PEX13: variants seen among roughly 807,000 people sequenced by gnomAD.
The protein encoded by PEX13 is peroxisomal biogenesis factor 13.
Under a neutral mutation model 34.5 loss-of-function variants are expected in PEX13, and 28 were observed. The observed-to-expected ratio is 0.81, with a 90% CI of 0.60 to 1.11. The LOEUF (loss-of-function observed/expected upper bound fraction) is 1.11. PEX13 is among the 50% of genes most tolerant of loss of function. The pLI is 0.00. For missense variants in PEX13, 550 were observed against 491.0 expected (o/e 1.12, Z -1.13); for synonymous variants, 177 against 175.1 (o/e 1.01, Z -0.09).
At chr2:61,045,417 A>G (rs184642169) in intron 2 of PEX13, among the ~76,000 whole-genome samples, 1 of 152,310 alleles carries the variant, frequency 6.6e-6, no homozygotes, top group East Asian at 1.9e-4. Flanking sequence ...TAATTGCCCA[A>G]TATCCTGTTT....
chr2:61,047,724 G>A (rs928789428), intron 3 of PEX13, among the ~76,000 whole-genome samples: 6 of 152,162 alleles, frequency 3.9e-5, no homozygotes, highest in Non-Finnish European at 8.8e-5. Flanking sequence ...ATCGGTCGTA[G>A]ACATGGTAAA....
At chr2:61,046,470 T>TG (rs1559045680) in intron 3 of PEX13, among the ~76,000 whole-genome samples, 3 of 152,324 alleles carry the variant, frequency 2.0e-5, no homozygotes. Flanking sequence ...TGTGTATTTA[T>TG]GGGGATTCAA....
chr2:61,028,607 G>C (rs1260715298), intron 1 of PEX13, among the ~76,000 whole-genome samples: 1 of 151,188 alleles, frequency 6.6e-6, no homozygotes, highest in Non-Finnish European at 1.5e-5. Context: ...GGCTGGTCTC[G>C]AACTCCTAAC....
chr2:61,047,384 GACCTTGTGATCC>G (rs1680721068), intron 3 of PEX13, among the ~76,000 whole-genome samples: 1 of 152,152 alleles, frequency 6.6e-6, no homozygotes, highest in East Asian at 1.9e-4. Flanking sequence ...TCGAACTCCT[GACCTTGTGATCC>G]GCCCGACTTG....
At chr2:61,021,367 C>G (rs1680259171) in intron 1 of PEX13, among the ~76,000 whole-genome samples, 1 of 152,248 alleles carries the variant, frequency 6.6e-6, no homozygotes, top group Admixed American at 6.5e-5. Flanking sequence ...AGGAGATTCT[C>G]TCCCATGCCT....
chr2:61,024,665 T>C (rs893910269), intron 1 of PEX13, among the ~76,000 whole-genome samples: 5 of 152,056 alleles, frequency 3.3e-5, no homozygotes, highest in African/African-American at 1.2e-4. Flanking sequence ...AAAAATTAGC[T>C]GGGCGTGGTG....
Position 61,032,040 on chromosome 2 carries a change from G to T in PEX13, c.714G>T (p.Leu238Phe). Residue 238 changes from leucine to phenylalanine, a missense_variant, in exon 2 of 4, where the codon TTG (leucine) becomes TTT (phenylalanine). Transcript: ENST00000295030. ...CAGCAAAATCTTGGCCAATATTCTT[G>T]TTCTTTGCTGTTATCCTTGGTGGTC... Reference protein sequence around the residue: ...ATSAKSWPIFLFFAVILGGPY... With the variant: ...ATSAKSWPIFFFFAVILGGPY... The T allele has an allele frequency of 1.2e-6, 2 of 1,613,770 alleles. No individual in the cohort carries two copies. Among genetic ancestry groups the T allele is most frequent in the South Asian group, 2.2e-5 (2 of 91,030 alleles).
At chr2:61,018,901 C>A (rs1278767020) in intron 1 of PEX13, 1 of 151,952 alleles carries the variant, frequency 6.6e-6, no homozygotes, top group African/African-American at 2.4e-5. Flanking sequence ...TGTTAAAGTT[C>A]TTTTTATGTA....
chr2:61,031,502 C>A lies in PEX13; in HGVS notation c.176C>A (p.Pro59Gln). ...GTGCCCCCACCTATTCTTCCAAGGCCATCACAGCAGACAGGAAGTAGCAGT... is the reference window on the plus strand; with the variant it reads ...GTGCCCCCACCTATTCTTCCAAGGCAATCACAGCAGACAGGAAGTAGCAGT... ...TRVPPPILPR[P>Q]SQQTGSSSVN... The change falls in exon 2 of 4, where the codon CCA becomes CAA. Residue 59 changes from proline to glutamine, a missense_variant. Pro to Gln is a moderately conservative substitution (Grantham distance 76, BLOSUM62 -1). Coordinates refer to ENST00000295030, the MANE Select transcript of PEX13 (RefSeq NM_002618.4). 2 of 1,614,120 alleles carry A rather than the reference C, an allele frequency of 1.2e-6. No homozygotes were observed. The highest frequency in any genetic ancestry group is 1.7e-6 in the Non-Finnish European group (2 of 1,179,968).
intron 1 of PEX13, among the ~76,000 whole-genome samples, chr2:61,020,497 T>A (rs1486388385): frequency 1.3e-5 from 2 of 152,224 alleles, no homozygotes; most frequent in Non-Finnish European, 2.9e-5. Context: ...TTCTGTCATT[T>A]ACAGATAAGC....
chr2:61,033,014 A>G (rs531903798), intron 2 of PEX13, among the ~76,000 whole-genome samples: 5 of 152,194 alleles, frequency 3.3e-5, no homozygotes, highest in Non-Finnish European at 7.4e-5. Flanking sequence ...TTACATAAGG[A>G]ATGGATGGTT....
chr2:61,034,977 C>T (rs60590179), intron 2 of PEX13, among the ~76,000 whole-genome samples: 9,531 of 152,318 alleles, frequency 0.063, 1,037 homozygotes, highest in African/African-American at 0.22. Flanking sequence ...GTTCTCTGAG[C>T]ACAGTGTGCG....
intron 1 of PEX13, 60 bp downstream of exon 1, chr2:61,017,911 GGCGGTTGTA>G (rs1218099691): frequency 6.7e-6 from 10 of 1,503,070 alleles, no homozygotes; most frequent in Non-Finnish European, 9.1e-6. Flanking sequence ...CTTGGCAGGA[GGCGGTTGTA>G]GCGGTTGTTA....
intron 2 of PEX13, among the ~76,000 whole-genome samples, chr2:61,034,127 G>A (rs1411371203): frequency 6.6e-6 from 1 of 152,098 alleles, no homozygotes; most frequent in Non-Finnish European, 1.5e-5. Flanking sequence ...TTTCTGAGTA[G>A]CTGGGACTAC....
intron 1 of PEX13, among the ~76,000 whole-genome samples, chr2:61,019,845 A>T (rs1220850908): frequency 6.6e-6 from 1 of 152,226 alleles, no homozygotes; most frequent in Non-Finnish European, 1.5e-5. Flanking sequence ...AGTCCTTTAT[A>T]AAAAGACTTA....
intron 2 of PEX13, among the ~76,000 whole-genome samples, chr2:61,039,983 GA>G (rs1207768192): frequency 6.6e-6 from 1 of 152,162 alleles, no homozygotes; most frequent in African/African-American, 2.4e-5. Context: ...ACAAACATAT[GA>G]AAAAATGCTC....
At chr2:61,020,776 T>G (rs546777224) in intron 1 of PEX13, among the ~76,000 whole-genome samples, 1 of 152,158 alleles carries the variant, frequency 6.6e-6, no homozygotes, top group Non-Finnish European at 1.5e-5. Context: ...TGCCTCAGTC[T>G]CCCGGACAGT....
intron 2 of PEX13, among the ~76,000 whole-genome samples, chr2:61,040,582 G>T (rs1354116515): frequency 2.0e-5 from 3 of 151,852 alleles, no homozygotes; most frequent in African/African-American, 7.3e-5. Flanking sequence ...ACTGGGGCCT[G>T]TCAGGGGGTG....
intron 2 of PEX13, among the ~76,000 whole-genome samples, chr2:61,037,860 G>A (rs1460052942): frequency 6.6e-6 from 1 of 151,982 alleles, no homozygotes; most frequent in Non-Finnish European, 1.5e-5. Flanking sequence ...TAGACTGCTA[G>A]CAAGACTAAT....
Sources: allele counts gnomAD v4.1 joint callset (sites outside exome capture counted in the v4.1 genomes callset), GRCh38; gene constraint gnomAD v4.1.1; transcripts MANE v1.5; gene names NCBI Gene and HGNC (gene_info 2026-07-23, HGNC 2026-07-21).